DENND2B: variants seen among roughly 807,000 people sequenced by gnomAD.
DENND2B encodes DENN domain containing 2B, also known as DENN domain-containing protein 2B.
DENND2B carries 32 observed loss-of-function variants against 116.0 expected under a neutral mutation model. The ratio of observed to expected loss-of-function variants is 0.28; its 90% CI spans 0.21 to 0.37. DENND2B has a LOEUF of 0.37. DENND2B is among the 10% of genes least tolerant of loss of function. The pLI is 1.00. For synonymous variants in DENND2B, 588 were observed against 583.9 expected (o/e 1.01, Z -0.10); for missense variants, 1,276 against 1,477.7 (o/e 0.86, Z 2.24).
At chr11:8,885,907 C>A (rs2063955017) in intron 1 of DENND2B, among the ~76,000 whole-genome samples, 1 of 151,960 alleles carries the variant, frequency 6.6e-6, no homozygotes, top group Non-Finnish European at 1.5e-5. Context: ...CTAATGTGAA[C>A]AATATTCCAG....
intron 1 of DENND2B, among the ~76,000 whole-genome samples, chr11:8,775,265 T>G (rs934176131): frequency 2.0e-5 from 3 of 152,062 alleles, no homozygotes; most frequent in African/African-American, 7.2e-5. Flanking sequence ...TCGTGTTATC[T>G]CCTTGAAAAT....
Position 8,695,707 on chromosome 11 carries a change from G to A in DENND2B, c.3293-158C>T. 4.7e-6 allele frequency: 3 copies of A among 639,540 alleles called. No homozygotes were observed. The South Asian group carries it at 5.7e-5, about 12-fold the overall frequency. 39.6% of individuals were successfully genotyped at this position (639,540 alleles called of 1,614,324 possible). On this transcript the variant is annotated intron_variant, in intron 18 of 19. Coordinates refer to ENST00000313726, the MANE Select transcript of DENND2B (RefSeq NM_213618.2). Reference sequence around the variant, plus strand: ...GAGCATCTTACTAGAATTCGGGCTGGCTCATCAAGGCGATCATTAGTGACA... The same window carrying A: ...GAGCATCTTACTAGAATTCGGGCTGACTCATCAAGGCGATCATTAGTGACA...
At chr11:8,901,209 T>TCTTTC (rs758920797) in intron 1 of DENND2B, among the ~76,000 whole-genome samples, 1 of 66,962 alleles carries the variant, frequency 1.5e-5, no homozygotes, top group Admixed American at 1.9e-4. Flanking sequence ...TTTTTCTTTT[T>TCTTTC]CTTTCTTTTC....
chr11:8,750,569 C>T, intron 2 of DENND2B, 52 bp downstream of exon 2: 1 of 1,512,248 alleles, frequency 6.6e-7, no homozygotes, highest in South Asian at 1.1e-5. Flanking sequence ...AGGGATCCCA[C>T]CCAGGACCTA....
chr11:8,768,109 G>A (rs2056209117), intron 1 of DENND2B, among the ~76,000 whole-genome samples: 1 of 152,036 alleles, frequency 6.6e-6, no homozygotes, highest in African/African-American at 2.4e-5. Context: ...GAGCAACCAG[G>A]CTGGGCACTT....
intron 2 of DENND2B, among the ~76,000 whole-genome samples, chr11:8,859,230 C>T (rs1170986157): frequency 6.6e-6 from 1 of 152,126 alleles, no homozygotes; most frequent in East Asian, 1.9e-4. Context: ...TATCACTTTC[C>T]CTCAGTTGTA....
intron 1 of DENND2B, among the ~76,000 whole-genome samples, chr11:8,772,952 AAAG>A (rs1418095725): frequency 1.3e-5 from 2 of 152,124 alleles, no homozygotes; most frequent in African/African-American, 4.8e-5. Context: ...CCCTCCTCCT[AAAG>A]AAGAGCTGTT....
At chr11:8,849,110 G>T (rs1331482572) in intron 3 of DENND2B, among the ~76,000 whole-genome samples, 1 of 151,846 alleles carries the variant, frequency 6.6e-6, no homozygotes, top group East Asian at 1.9e-4. Flanking sequence ...TCTACCCATG[G>T]ACCCCCAAGG....
intron 1 of DENND2B, among the ~76,000 whole-genome samples, chr11:8,901,451 A>G (rs1594360642): frequency 6.6e-6 from 1 of 151,388 alleles, no homozygotes; most frequent in East Asian, 2.0e-4. Context: ...GCTGGTCTCG[A>G]ACTCCTGACC....
chr11:8,883,972 A>G (rs1010891577), intron 1 of DENND2B, among the ~76,000 whole-genome samples: 1 of 152,222 alleles, frequency 6.6e-6, no homozygotes, highest in African/African-American at 2.4e-5. Context: ...CATTCTTTCC[A>G]GTACTGCCCT....
intron 1 of DENND2B, among the ~76,000 whole-genome samples, chr11:8,793,067 T>C (rs1320951125): frequency 1.3e-5 from 2 of 152,208 alleles, no homozygotes; most frequent in Admixed American, 6.5e-5. Flanking sequence ...AAATAAATTA[T>C]GATACATCCC....
chr11:8,886,390 G>A (rs1413860627), intron 1 of DENND2B, among the ~76,000 whole-genome samples: 1 of 151,960 alleles, frequency 6.6e-6, no homozygotes, highest in Non-Finnish European at 1.5e-5. Context: ...TTAGAATAAA[G>A]TATACTTCTA....
At chr11:8,710,793 A>ACACACACACACACC in intron 11 of DENND2B, 52 bp downstream of exon 11, 1 of 1,323,124 alleles carries the variant, frequency 7.6e-7, no homozygotes, top group Non-Finnish European at 1.1e-6. Context: ...ACACACACAC[A>ACACACACACACACC]CCCTGGCCTA....
At chr11:8,739,763 G>A (rs140966470) in intron 2 of DENND2B, among the ~76,000 whole-genome samples, 4 of 152,214 alleles carry the variant, frequency 2.6e-5, no homozygotes, top group African/African-American at 9.6e-5. Context: ...AGAAAGCAGG[G>A]GAGAATGCAA....
chr11:8,901,639 C>G (rs2064172962), intron 1 of DENND2B, among the ~76,000 whole-genome samples: 1 of 152,156 alleles, frequency 6.6e-6, no homozygotes, highest in Admixed American at 6.5e-5. Context: ...AGCTGCCTCT[C>G]ATACATTTTG....
intron 1 of DENND2B, among the ~76,000 whole-genome samples, chr11:8,761,812 G>C (rs1367180727): frequency 1.3e-5 from 2 of 151,976 alleles, no homozygotes; most frequent in Non-Finnish European, 2.9e-5. Flanking sequence ...AGGCTAAAGG[G>C]ACTGGGCAAA....
chr11:8,845,545 A>G (rs2062781802), intron 3 of DENND2B, among the ~76,000 whole-genome samples: 1 of 152,226 alleles, frequency 6.6e-6, no homozygotes, highest in African/African-American at 2.4e-5. Flanking sequence ...TTTCCTAATA[A>G]TAGTCCTAAT....
chr11:8,719,433 G>A (rs1045930698), intron 4 of DENND2B, among the ~76,000 whole-genome samples: 1 of 152,182 alleles, frequency 6.6e-6, no homozygotes, highest in African/African-American at 2.4e-5. Flanking sequence ...ACTGGGATTT[G>A]GGACTGGATT....
intron 1 of DENND2B, among the ~76,000 whole-genome samples, chr11:8,765,399 G>A (rs1056993965): frequency 5.3e-5 from 8 of 152,200 alleles, no homozygotes; most frequent in African/African-American, 1.9e-4. Context: ...AAATCTTTGA[G>A]GGAAACAGAG....
Sources: gnomAD v4.1 joint callset for allele counts (sites outside exome capture counted in the v4.1 genomes callset) on GRCh38, gnomAD v4.1.1 for gene constraint, MANE v1.5 for transcripts, NCBI Gene and HGNC (gene_info 2026-07-23, HGNC 2026-07-21) for gene names.